Variants in CDH12 observed in about 807,000 individuals in gnomAD.
CDH12 encodes the protein cadherin 12.
In CDH12, 41 loss-of-function variants were observed where a neutral mutation model predicts 74.1. The observed-to-expected ratio is 0.55, with a 90% CI of 0.43 to 0.72. The LOEUF is 0.72. Among genes scored for constraint, CDH12 ranks in the 30% least tolerant of loss-of-function variants. The pLI is 0.00. For missense variants in CDH12, 945 were observed against 977.2 expected (o/e 0.97, Z 0.44); for synonymous variants, 399 against 355.0 (o/e 1.12, Z -1.39).
intron 1 of CDH12, among the ~76,000 whole-genome samples, chr5:22,743,663 T>G (rs1240882259): frequency 1.3e-5 from 2 of 152,280 alleles, no homozygotes; most frequent in East Asian, 1.9e-4. Context: ...TGTTAAAATA[T>G]TAACTTTTAT....
At chr5:21,978,425 G>A (rs1281107569) in intron 5 of CDH12, among the ~76,000 whole-genome samples, 2 of 152,164 alleles carry the variant, frequency 1.3e-5, no homozygotes, top group African/African-American at 4.8e-5. Flanking sequence ...TTATCGGCAT[G>A]AGCCACTGCG....
chr5:22,818,324 A>T (rs773157312), intron 1 of CDH12, among the ~76,000 whole-genome samples: 1 of 151,930 alleles, frequency 6.6e-6, no homozygotes, highest in Non-Finnish European at 1.5e-5. Context: ...GCTTTTCCCT[A>T]CCAAATGGTT....
intron 2 of CDH12, among the ~76,000 whole-genome samples, chr5:22,493,478 T>C (rs550703275): frequency 6.6e-6 from 1 of 152,286 alleles, no homozygotes; most frequent in Non-Finnish European, 1.5e-5. Flanking sequence ...AATGCATGCA[T>C]AGATACATGC....
chr5:22,231,037 G>A (rs1452771767), intron 3 of CDH12, among the ~76,000 whole-genome samples: 1 of 152,062 alleles, frequency 6.6e-6, no homozygotes, highest in Non-Finnish European at 1.5e-5. Flanking sequence ...GGAGAAATAG[G>A]ACTATATTCT....
Position 22,152,555 on chromosome 5 carries a change from A to T in CDH12, c.-187+59943T>A, listed in dbSNP as rs542983014. On this transcript the variant is annotated intron_variant, in intron 4 of 14. Transcript: ENST00000382254. ...CACGTACAACATGAAATTTTGAAAC[A>T]TGTATACATTCTGGAATGACTAAAT... 3.6e-4 allele frequency among the ~76,000 whole-genome samples: 55 copies of T among 152,324 alleles called. No homozygotes were observed. In the South Asian group the frequency reaches 0.011, roughly 30 times the overall value.
intron 5 of CDH12, among the ~76,000 whole-genome samples, chr5:21,988,922 GAGAC>G (rs1161919570): frequency 2.0e-5 from 3 of 152,118 alleles, no homozygotes; most frequent in African/African-American, 7.2e-5. Context: ...GAAGAGATAA[GAGAC>G]AGATTCTCTA....
intron 3 of CDH12, among the ~76,000 whole-genome samples, chr5:22,252,974 T>G (rs1191789936): frequency 6.6e-6 from 1 of 152,004 alleles, no homozygotes. Context: ...CACAGTAGAA[T>G]AAAATTTCAC....
intron 2 of CDH12, among the ~76,000 whole-genome samples, chr5:22,437,576 T>C (rs998121184): frequency 9.4e-6 from 1 of 106,116 alleles, no homozygotes; most frequent in African/African-American, 3.7e-5. Flanking sequence ...TAAATAAAAA[T>C]AATTCCAAGG....
intron 4 of CDH12, among the ~76,000 whole-genome samples, chr5:22,138,066 G>T (rs1478257551): frequency 6.6e-6 from 1 of 152,062 alleles, no homozygotes; most frequent in African/African-American, 2.4e-5. Context: ...GATTTCTACT[G>T]TAGAGCTAGA....
chr5:22,611,791 A>G (rs577694295), intron 1 of CDH12, among the ~76,000 whole-genome samples: 2 of 152,100 alleles, frequency 1.3e-5, no homozygotes, highest in Non-Finnish European at 2.9e-5. Context: ...AACAGAGTGC[A>G]GTTGGTTTAG....
At chr5:22,489,786 C>T (rs1203140077) in intron 2 of CDH12, among the ~76,000 whole-genome samples, 1 of 148,512 alleles carries the variant, frequency 6.7e-6, no homozygotes, top group African/African-American at 2.5e-5. Flanking sequence ...CTCCCTGGAT[C>T]AAGCAATCCT....
intron 3 of CDH12, among the ~76,000 whole-genome samples, chr5:22,291,065 T>C (rs1381387331): frequency 6.6e-6 from 1 of 152,112 alleles, no homozygotes; most frequent in East Asian, 1.9e-4. Flanking sequence ...TGATTCGGCA[T>C]ACATAAATCA....
chr5:22,805,793 T>C (rs1323292730), intron 1 of CDH12, among the ~76,000 whole-genome samples: 1 of 152,162 alleles, frequency 6.6e-6, no homozygotes, highest in Non-Finnish European at 1.5e-5. Context: ...TTTCTCCTAA[T>C]GCTATCCCTC....
intron 4 of CDH12, among the ~76,000 whole-genome samples, chr5:22,091,973 A>G (rs1300056099): frequency 6.6e-6 from 1 of 151,654 alleles, no homozygotes; most frequent in Non-Finnish European, 1.5e-5. Flanking sequence ...TGGATATCCA[A>G]TTGACCCAGG....
At chr5:22,117,490 T>TA (rs1561129064) in intron 4 of CDH12, among the ~76,000 whole-genome samples, 5 of 69,032 alleles carry the variant, frequency 7.2e-5, no homozygotes, top group Non-Finnish European at 1.0e-4. Context: ...ATATATATAT[T>TA]ATATATATAT....
In CDH12 at chr5:22,100,513, C is replaced by G. The variant is rs1474498926; in HGVS notation, c.-186-21651G>C. 3.3e-5 allele frequency among the ~76,000 whole-genome samples: 5 copies of G among 152,068 alleles called. No individual in the cohort carries two copies. The South Asian group carries it at 8.3e-4, about 25-fold the overall frequency. ...ATTTTTGTCCTTAGAATTTACCTCACATTTTGATATTAAGTTTAACTCTTG... is the reference window on the plus strand; with the variant it reads ...ATTTTTGTCCTTAGAATTTACCTCAGATTTTGATATTAAGTTTAACTCTTG... On this transcript the variant is annotated intron_variant, in intron 4 of 14. Coordinates refer to ENST00000382254, the MANE Select transcript of CDH12 (RefSeq NM_004061.5).
intron 1 of CDH12, among the ~76,000 whole-genome samples, chr5:22,566,350 G>A (rs767846529): frequency 1.3e-5 from 2 of 151,104 alleles, no homozygotes; most frequent in Non-Finnish European, 2.9e-5. Context: ...TGATTCTCCT[G>A]CTTCAGCCTC....
At chr5:22,840,918 C>T (rs1368115826) in intron 1 of CDH12, among the ~76,000 whole-genome samples, 1 of 152,048 alleles carries the variant, frequency 6.6e-6, no homozygotes, top group Non-Finnish European at 1.5e-5. Context: ...AGTAAACCTC[C>T]TAAGTTCCAG....
chr5:21,923,008 G>A (rs528116557), intron 6 of CDH12, among the ~76,000 whole-genome samples: 11 of 149,920 alleles, frequency 7.3e-5, no homozygotes, highest in Non-Finnish European at 1.2e-4. Flanking sequence ...AGAGGAGCAC[G>A]CACCCACGTA....
Sources: allele counts gnomAD v4.1 joint callset (sites outside exome capture counted in the v4.1 genomes callset), GRCh38; gene constraint gnomAD v4.1.1; transcripts MANE v1.5; gene names NCBI Gene and HGNC (gene_info 2026-07-23, HGNC 2026-07-21).